Variants in PLPPR1 observed in about 807,000 individuals in gnomAD.
PLPPR1 encodes the protein phospholipid phosphatase-related protein type 1.
In PLPPR1, 10 loss-of-function variants were observed where a neutral mutation model predicts 33.1. The ratio of observed to expected loss-of-function variants is 0.30; its 90% CI spans 0.19 to 0.51. The LOEUF (loss-of-function observed/expected upper bound fraction) is 0.51. Ranked by LOEUF, PLPPR1 falls within the 20% of genes least tolerant of loss-of-function variation. The pLI, the probability that PLPPR1 is intolerant of heterozygous loss-of-function variation, is 0.97. For missense variants in PLPPR1, 304 were observed against 408.1 expected, an observed-to-expected ratio of 0.74 and a Z score of 2.20; for synonymous variants, 151 against 151.0, an observed-to-expected ratio of 1.00 and a Z score of 0.00.
At chr9:101,046,032 A>G (rs1830139264) in intron 1 of PLPPR1, among the ~76,000 whole-genome samples, 1 of 152,342 alleles carries the variant, frequency 6.6e-6, no homozygotes, top group East Asian at 1.9e-4. Context: ...AGAAATTTAT[A>G]TTAACTAACC....
At chr9:101,099,116 G>A (rs184545853) in intron 1 of PLPPR1, among the ~76,000 whole-genome samples, 3 of 151,648 alleles carry the variant, frequency 2.0e-5, no homozygotes, top group Non-Finnish European at 4.4e-5. Context: ...GGGGGGAGGC[G>A]GGGGAGGAGT....
chr9:101,157,614 A>G (rs1831712958), intron 1 of PLPPR1, among the ~76,000 whole-genome samples: 1 of 152,180 alleles, frequency 6.6e-6, no homozygotes, highest in South Asian at 2.1e-4. Flanking sequence ...AATAGTTTGC[A>G]GAAGAATAGA....
At chr9:101,179,389 C>T (rs536574909) in intron 1 of PLPPR1, among the ~76,000 whole-genome samples, 103 of 152,266 alleles carry the variant, frequency 6.8e-4, no homozygotes, top group African/African-American at 2.5e-3. Context: ...ACCACTTGAC[C>T]AGCTGCAGGA....
chr9:101,203,622 A>G (rs192195299), intron 2 of PLPPR1, among the ~76,000 whole-genome samples: 4 of 142,972 alleles, frequency 2.8e-5, no homozygotes, highest in Admixed American at 1.4e-4. Flanking sequence ...AATTGGGAGG[A>G]AAAAAATGGA....
chr9:101,221,029 G>C (rs1263693166), intron 2 of PLPPR1, among the ~76,000 whole-genome samples: 1 of 152,186 alleles, frequency 6.6e-6, no homozygotes, highest in African/African-American at 2.4e-5. Flanking sequence ...TCCTACAGTT[G>C]ATAGTTTTTG....
At chr9:101,180,185 CATATATACACATACACACACAT>C (rs772541529) in intron 1 of PLPPR1, among the ~76,000 whole-genome samples, 2,750 of 142,256 alleles carry the variant, frequency 0.019, 40 homozygotes, top group East Asian at 0.043. Flanking sequence ...CAGACACACA[CATATATACACATACACACACAT>C]ATATATACAC....
intron 1 of PLPPR1, among the ~76,000 whole-genome samples, chr9:101,169,518 C>T (rs1297190887): frequency 6.6e-6 from 1 of 152,122 alleles, no homozygotes; most frequent in African/African-American, 2.4e-5. Context: ...TTTATTTTGA[C>T]ATTATCATGC....
chr9:101,268,120 G>T (rs1391984389), intron 2 of PLPPR1, among the ~76,000 whole-genome samples: 1 of 151,980 alleles, frequency 6.6e-6, no homozygotes, highest in Non-Finnish European at 1.5e-5. Context: ...GGGGAGGGGG[G>T]AGAGATAGCA....
intron 3 of PLPPR1, among the ~76,000 whole-genome samples, chr9:101,282,051 G>C (rs1382115210): frequency 6.6e-6 from 1 of 152,162 alleles, no homozygotes; most frequent in Admixed American, 6.5e-5. Context: ...TTGAAAAGGA[G>C]GGACTACTTC....
rs929517065 is a variant in PLPPR1 at position 101,114,585 on chromosome 9, AG to A, written c.-45-70863del. Among the ~76,000 whole-genome samples the A allele has an allele frequency of 3.3e-5, 5 of 152,202 alleles. No homozygotes were observed. The East Asian group carries it at 9.6e-4, about 29-fold the overall frequency. ...CTGCCATTGCTCCCCACTGGGAGGCAGGAAGGTAAGGAAGCCAGCTGATGTG... is the reference window on the plus strand; with the variant it reads ...CTGCCATTGCTCCCCACTGGGAGGCAGAAGGTAAGGAAGCCAGCTGATGTG... On this transcript the variant is annotated intron_variant, in intron 1 of 7. Transcript: ENST00000374874.
chr9:101,086,974 T>C (rs1226361544), intron 1 of PLPPR1, among the ~76,000 whole-genome samples: 1 of 151,614 alleles, frequency 6.6e-6, no homozygotes, highest in African/African-American at 2.4e-5. Flanking sequence ...AGGTCAGGAG[T>C]TTGAGACCAG....
chr9:101,222,587 CA>C (rs1826968260), intron 2 of PLPPR1, among the ~76,000 whole-genome samples: 1 of 152,078 alleles, frequency 6.6e-6, no homozygotes, highest in Admixed American at 6.6e-5. Flanking sequence ...TTTACACTAA[CA>C]AAGATTTAAA....
chr9:101,057,382 T>G (rs1344597578), intron 1 of PLPPR1, among the ~76,000 whole-genome samples: 2 of 152,140 alleles, frequency 1.3e-5, no homozygotes, highest in Non-Finnish European at 2.9e-5. Context: ...GAAACCTATT[T>G]TTATGATCAG....
At chr9:101,085,896 C>T (rs1411502510) in intron 1 of PLPPR1, among the ~76,000 whole-genome samples, 1 of 152,000 alleles carries the variant, frequency 6.6e-6, no homozygotes, top group Non-Finnish European at 1.5e-5. Flanking sequence ...CCAATCAAGA[C>T]CTTAACTCTA....
intron 2 of PLPPR1, among the ~76,000 whole-genome samples, chr9:101,214,138 A>C (rs1007411923): frequency 1.3e-5 from 2 of 152,228 alleles, no homozygotes; most frequent in Non-Finnish European, 2.9e-5. Context: ...AGGGATTGCT[A>C]TCACTGAAGG....
chr9:101,115,730 T>C (rs1056962442), intron 1 of PLPPR1, among the ~76,000 whole-genome samples: 1 of 152,234 alleles, frequency 6.6e-6, no homozygotes, highest in Non-Finnish European at 1.5e-5. Flanking sequence ...CCCATTTTAA[T>C]GAAAGGGATT....
At chr9:101,278,566 C>T (rs556375936) in intron 3 of PLPPR1, among the ~76,000 whole-genome samples, 4 of 152,288 alleles carry the variant, frequency 2.6e-5, no homozygotes, top group African/African-American at 7.2e-5. Flanking sequence ...GAGAGAGACA[C>T]CATCCACTTG....
intron 1 of PLPPR1, among the ~76,000 whole-genome samples, chr9:101,040,202 A>T (rs677292): frequency 0.36 from 54,253 of 152,054 alleles, 10,064 homozygotes; most frequent in Non-Finnish European, 0.41. Flanking sequence ...AAGCATAAAG[A>T]TAACACTATT....
intron 1 of PLPPR1, among the ~76,000 whole-genome samples, chr9:101,049,826 TAA>T (rs111630255): frequency 1.4e-5 from 2 of 145,510 alleles, no homozygotes; most frequent in African/African-American, 2.5e-5. Flanking sequence ...AGCCTTGATT[TAA>T]AAAAAAAAAA....
Sources: allele counts gnomAD v4.1 joint callset (sites outside exome capture counted in the v4.1 genomes callset), GRCh38; gene constraint gnomAD v4.1.1; transcripts MANE v1.5; gene names NCBI Gene and HGNC (gene_info 2026-07-23, HGNC 2026-07-21).